The following FAM186A variants were observed in gnomAD, a reference collection of about 807,000 sequenced individuals.
FAM186A encodes protein FAM186A.
In FAM186A, 163 loss-of-function variants were observed where a neutral mutation model predicts 216.8. The ratio of observed to expected loss-of-function variants is 0.75; its 90% CI spans 0.66 to 0.86. The LOEUF (loss-of-function observed/expected upper bound fraction) is 0.86, where lower values mean the gene tolerates loss of function less well. Among genes scored for constraint, FAM186A ranks in the 40% least tolerant of loss-of-function variants. FAM186A has a pLI of 0.00. For missense variants in FAM186A, 2,184 were observed against 2,746.2 expected (o/e 0.80, Z 4.58); for synonymous variants, 805 against 1,025.3 (o/e 0.79, Z 4.10).
rs539297645 is a variant in FAM186A, at chr12:50,350,517, AT to A, written c.6314del (p.Tyr2105PhefsTer12). The A allele has an allele frequency of 2.6e-6, 4 of 1,551,620 alleles. No homozygotes were observed. In the East Asian group the frequency reaches 9.8e-5, roughly 38 times the overall value. On this transcript the variant is annotated frameshift_variant, in exon 4 of 8. Coordinates refer to ENST00000327337, the MANE Select transcript of FAM186A (RefSeq NM_001145475.3). LOFTEE classifies it high-confidence loss of function. ...SSPQELEEKR[Y>X]FVDVEAQKKN... ...TCTTCTGAGCCTCCACATCAACAAA[AT>A]ACCTCTTTTCTTCAAGTTCTTGAGG...
At chr12:50,373,001 A>AAGAG (rs1565892946) in intron 1 of FAM186A, among the ~76,000 whole-genome samples, 3 of 26,722 alleles carry the variant, frequency 1.1e-4, no homozygotes, top group Non-Finnish European at 2.2e-4. Flanking sequence ...GAAGGAATGA[A>AAGAG]AGAAAGAAAG....
At chr12:50,391,309 A>AT (rs1943354787) in intron 1 of FAM186A, among the ~76,000 whole-genome samples, 1 of 148,376 alleles carries the variant, frequency 6.7e-6, no homozygotes, top group South Asian at 2.1e-4. Flanking sequence ...TTATTTTTTT[A>AT]TTTTTTATTT....
intron 2 of FAM186A, among the ~76,000 whole-genome samples, chr12:50,362,497 C>T (rs1943045516): frequency 6.6e-6 from 1 of 151,828 alleles, no homozygotes; most frequent in South Asian, 2.1e-4. Context: ...GTAATCCCAG[C>T]ACTTTGGGAA....
At chr12:50,333,875 C>T in intron 5 of FAM186A, 36 bp downstream of exon 5, 4 of 1,510,760 alleles carry the variant, frequency 2.6e-6, no homozygotes, top group South Asian at 2.5e-5. Context: ...CATGTTTTTA[C>T]AACATGCTGG....
At chr12:50,331,392 A>C (rs1024733889) in intron 6 of FAM186A, among the ~76,000 whole-genome samples, 1 of 152,120 alleles carries the variant, frequency 6.6e-6, no homozygotes, top group Non-Finnish European at 1.5e-5. Context: ...GGCATGCACC[A>C]CTATGCCGGG....
At chr12:50,327,629 C>G (rs1942618566) in intron 7 of FAM186A, among the ~76,000 whole-genome samples, 1 of 151,026 alleles carries the variant, frequency 6.6e-6, no homozygotes, top group Non-Finnish European at 1.5e-5. Context: ...GCAACCTCTG[C>G]TCCCTGGGCT....
rs925239739 is a variant in FAM186A, at chr12:50,334,096, T to C, written c.6511A>G (p.Ile2171Val). Residue 2171 changes from isoleucine (I) to valine (V), a missense_variant, in exon 5 of 8, where the codon ATA (isoleucine) becomes GTA (valine). Physicochemically the swap from Ile to Val is conservative, Grantham distance 29 (BLOSUM62 3). Coordinates refer to ENST00000327337, the MANE Select transcript of FAM186A (RefSeq NM_001145475.3). ...TGGATGGCTTTTAGTCGTTTCATTA[T>C]GTTGTTCCTTGAAAAGATTAATAAA... ...YRLIQHARNNIMKRLKAIQNT... is the reference protein window; with the variant it reads ...YRLIQHARNNVMKRLKAIQNT... The C allele has an allele frequency of 1.8e-5, 27 of 1,536,878 alleles. No homozygotes were observed. The highest frequency in any genetic ancestry group is 1.7e-4 in the Middle Eastern group (1 of 5,956).
At chr12:50,386,469 T>C (rs901888442) in intron 1 of FAM186A, among the ~76,000 whole-genome samples, 1 of 151,978 alleles carries the variant, frequency 6.6e-6, no homozygotes, top group African/African-American at 2.4e-5. Flanking sequence ...TGTGAGGAAA[T>C]GCATGCATTA....
chr12:50,370,253 G>A (rs535546027), intron 1 of FAM186A, among the ~76,000 whole-genome samples: 16 of 151,124 alleles, frequency 1.1e-4, no homozygotes, highest in South Asian at 8.4e-4. Flanking sequence ...GCAGTGAGCC[G>A]AGATTGTGCC....
In FAM186A at chr12:50,352,136, G is replaced by A. The variant is rs1337134923; in HGVS notation, c.4696C>T (p.Pro1566Ser). ...IPPQAQELEI[P>S]LTPQQAQALG... The stretch of plus-strand genomic sequence containing the variant: ...GCCTGGGCCTGCTGAGGGGTGAGAG[G>A]GATCTCCAATTCCTGAGCCTGCGGA... The change falls in exon 4 of 8, where the codon CCT becomes TCT. Residue 1566 changes from proline (P) to serine (S), a missense_variant. Transcript: ENST00000327337. 6.5e-7 allele frequency: 1 copy of A among 1,535,500 alleles called. No individual in the cohort carries two copies. The highest frequency in any genetic ancestry group is 1.4e-5 in the African/African-American group (1 of 70,304).
rs2136093351 is a variant in FAM186A at position 50,353,912 on chromosome 12, C to G, written c.2920G>C (p.Gly974Arg). The change falls in exon 4 of 8, where the codon GGG becomes CGG. Residue 974 changes from glycine (G) to arginine (R), a missense_variant. Transcript: ENST00000327337. ...ATCTGCCTTTCGAGGTCCTCTAGCCCTCTCTCTGGCTTCTGCTTTTCCTTC... is the reference window on the plus strand; with the variant it reads ...ATCTGCCTTTCGAGGTCCTCTAGCCGTCTCTCTGGCTTCTGCTTTTCCTTC... Reference protein sequence around the residue: ...KGKEKQKPERGLEDLERQIKT... With the variant: ...KGKEKQKPERRLEDLERQIKT... 6.4e-7 allele frequency: 1 copy of G among 1,552,890 alleles called. No individual in the cohort carries two copies. Among genetic ancestry groups the G allele is most frequent in the Non-Finnish European group, 8.7e-7 (1 of 1,147,748 alleles).
chr12:50,359,297 C>T (rs1221027249), intron 3 of FAM186A, among the ~76,000 whole-genome samples: 4 of 151,984 alleles, frequency 2.6e-5, no homozygotes, highest in Non-Finnish European at 5.9e-5. Flanking sequence ...GCTAGGGAGG[C>T]TGAGGCAGGA....
chr12:50,327,478 T>A, intron 7 of FAM186A, 74 bp from the exon 8 acceptor site: 1 of 1,142,444 alleles, frequency 8.8e-7, no homozygotes, highest in Non-Finnish European at 1.2e-6. Flanking sequence ...AGGTGAGTCA[T>A]AGGGAAAATA....
chr12:50,370,959 C>T (rs190225564), intron 1 of FAM186A, among the ~76,000 whole-genome samples: 92 of 151,834 alleles, frequency 6.1e-4, no homozygotes, highest in African/African-American at 2.2e-3. Context: ...ATTAGCCAGG[C>T]ATGGTGGCGG....
chr12:50,341,863 T>C (rs1274594393), intron 4 of FAM186A, among the ~76,000 whole-genome samples: 3 of 151,526 alleles, frequency 2.0e-5, no homozygotes, highest in African/African-American at 7.3e-5. Flanking sequence ...GAGAGAAAGC[T>C]GTCAAAGAAC....
In FAM186A at chr12:50,363,370, A is replaced by G; in HGVS notation, c.193-6T>C. ...CTCAGCTGCATATCAATGTCCTGTC[A>G]GAATAAGAAGGGGGCATGTATTAAT... On this transcript the variant is annotated splice_region_variant and splice_polypyrimidine_tract_variant and intron_variant, in intron 1 of 7. Coordinates refer to ENST00000327337, the MANE Select transcript of FAM186A (RefSeq NM_001145475.3). 1.3e-6 allele frequency: 2 copies of G among 1,544,492 alleles called. No individual in the cohort carries two copies. Among genetic ancestry groups the G allele is most frequent in the Non-Finnish European group, 1.8e-6 (2 of 1,142,798 alleles).
intron 1 of FAM186A, chr12:50,366,063 G>A: frequency 2.7e-6 from 2 of 738,528 alleles, no homozygotes; most frequent in South Asian, 1.4e-5. Context: ...ATACAAGGAA[G>A]AAACAATTGA....
In FAM186A at chr12:50,351,893, G is replaced by C. The variant is rs1282657893; in HGVS notation, c.4939C>G (p.Leu1647Val). Residue 1647 changes from leucine to valine, a missense_variant, in exon 4 of 8, where the codon CTG (leucine) becomes GTG (valine). Physicochemically the swap from Leu to Val is conservative, Grantham distance 32. This residue lies in a region of FAM186A where 26 missense variants were observed against 44.5 expected (regional missense o/e 0.58). Coordinates refer to ENST00000327337, the MANE Select transcript of FAM186A (RefSeq NM_001145475.3). ...ITLTPQQAQA[L>V]GVPITPVNAW... Reference sequence around the variant, plus strand: ...TTTACTGGGGTGATGGGGACTCCCAGTGCCTGGGCCTGCTGAGGGGTGAGA... The same window carrying C: ...TTTACTGGGGTGATGGGGACTCCCACTGCCTGGGCCTGCTGAGGGGTGAGA... 1 of 1,547,554 alleles carries C rather than the reference G, an allele frequency of 6.5e-7. No individual in the cohort carries two copies. The highest frequency in any genetic ancestry group is 1.4e-5 in the African/African-American group (1 of 73,000).
At chr12:50,357,975 C>CATAA (rs5798138) in intron 3 of FAM186A, among the ~76,000 whole-genome samples, 31 of 149,682 alleles carry the variant, frequency 2.1e-4, no homozygotes, top group African/African-American at 7.4e-4. Flanking sequence ...GAGACTGTCT[C>CATAA]ATAAATAAAT....
Sources: allele counts gnomAD v4.1 joint callset (sites outside exome capture counted in the v4.1 genomes callset), GRCh38; gene constraint gnomAD v4.1.1; regional missense constraint gnomAD v4.1.1; transcripts MANE v1.5; gene names NCBI Gene and HGNC (gene_info 2026-07-23, HGNC 2026-07-21).